CUL5: variants seen among roughly 807,000 people sequenced by gnomAD.
CUL5 encodes cullin 5.
In CUL5, 26 loss-of-function variants were observed where a neutral mutation model predicts 108.8. The ratio of observed to expected loss-of-function variants is 0.24; its 90% confidence interval spans 0.18 to 0.33. The LOEUF is 0.33. Ranked by LOEUF, CUL5 falls within the 10% of genes least tolerant of loss-of-function variation. The pLI, the probability that CUL5 is intolerant of heterozygous loss-of-function variation, is 1.00. For synonymous variants in CUL5, 334 were observed against 298.0 expected (o/e 1.12, Z -1.25); for missense variants, 524 against 909.2 (o/e 0.58, Z 5.45).
intron 7 of CUL5, among the ~76,000 whole-genome samples, chr11:108,058,614 G>C (rs1863459365): frequency 6.6e-6 from 1 of 151,670 alleles, no homozygotes; most frequent in African/African-American, 2.4e-5. Flanking sequence ...TGGTGGTAAT[G>C]CTTCTCCTGC....
intron 6 of CUL5, 33 bp from the exon 7 acceptor site, chr11:108,054,842 T>C: frequency 6.2e-7 from 1 of 1,602,450 alleles, no homozygotes; most frequent in Non-Finnish European, 8.5e-7. Flanking sequence ...CCCTTGATAT[T>C]CTTAAAATGA....
At chr11:108,054,503 A>C in intron 5 of CUL5, 144 bp from the exon 6 acceptor site, 1 of 546,312 alleles carries the variant, frequency 1.8e-6, no homozygotes, top group Non-Finnish European at 3.2e-6. Flanking sequence ...TCTTATGGAG[A>C]AGGATTTTGT....
chr11:108,052,890 G>T, intron 5 of CUL5, 89 bp downstream of exon 5: 1 of 1,122,516 alleles, frequency 8.9e-7, no homozygotes, highest in East Asian at 2.6e-5. Context: ...TAAGTTTATT[G>T]GCATACAAAG....
chr11:108,064,556 C>G (rs1163005946), intron 7 of CUL5, among the ~76,000 whole-genome samples: 1 of 151,914 alleles, frequency 6.6e-6, no homozygotes, highest in Non-Finnish European at 1.5e-5. Context: ...AAAAAAAATA[C>G]AAAAATTAGC....
intron 2 of CUL5, among the ~76,000 whole-genome samples, chr11:108,037,253 G>T (rs528648170): frequency 4.6e-5 from 7 of 152,108 alleles, no homozygotes; most frequent in Non-Finnish European, 1.0e-4. Context: ...AAATTTCATA[G>T]GTAATTTTTA....
In CUL5 at chr11:108,105,748, T is replaced by TGC. The variant is rs764652765; in HGVS notation, c.*1365_*1366dup. 11 of 152,126 alleles carry TGC rather than the reference T, an allele frequency of 7.2e-5. No homozygotes were observed. Among genetic ancestry groups the TGC allele is most frequent in the Non-Finnish European group, 1.6e-4 (11 of 68,004 alleles). The allele number at this position is 152,126 out of a possible 1,614,324, so 9.4% of individuals were successfully genotyped here. A position where few individuals can be genotyped will look rare whatever the true frequency, so the allele number is the denominator to read the frequency against. Reference sequence around the variant, plus strand: ...CAACGTGGATTTTTATTCATTGTGGTGCACGTTTCAAATTTTCTTGCAAAT... The same window carrying TGC: ...CAACGTGGATTTTTATTCATTGTGGTGCGCACGTTTCAAATTTTCTTGCAAAT... On this transcript the variant is annotated 3_prime_UTR_variant, in exon 19 of 19. Coordinates refer to ENST00000393094, the MANE Select transcript of CUL5 (RefSeq NM_003478.6).
At chr11:108,054,841 T>C in intron 6 of CUL5, 34 bp from the exon 7 acceptor site, 1 of 1,601,982 alleles carries the variant, frequency 6.2e-7, no homozygotes, top group South Asian at 1.1e-5. Flanking sequence ...TCCCTTGATA[T>C]TCTTAAAATG....
chr11:108,013,202 A>G (rs1862096178), intron 1 of CUL5, among the ~76,000 whole-genome samples: 1 of 151,732 alleles, frequency 6.6e-6, no homozygotes, highest in Admixed American at 6.6e-5. Context: ...CTCTCTCTCA[A>G]ATCACGTTTG....
intron 11 of CUL5, among the ~76,000 whole-genome samples, chr11:108,079,060 T>A (rs748900558): frequency 3.4e-5 from 5 of 148,202 alleles, no homozygotes; most frequent in African/African-American, 2.6e-5. Context: ...TAGATAGATC[T>A]TCTTCTCTTT....
At chr11:108,076,105 C>T (rs923215456) in intron 10 of CUL5, among the ~76,000 whole-genome samples, 1 of 152,150 alleles carries the variant, frequency 6.6e-6, no homozygotes, top group African/African-American at 2.4e-5. Context: ...CAACATGGCT[C>T]ACTGGAGCTT....
rs186620400 is a variant in CUL5 at position 108,091,277 on chromosome 11, C to T, written c.1443+1654C>T. ...TGTTGGCCAGGCTGGTCTTGAAATC[C>T]TGGTCTTAAGTGATCCGCCTGCCTC... On this transcript the variant is annotated intron_variant, in intron 13 of 18. Coordinates refer to ENST00000393094, the MANE Select transcript of CUL5 (RefSeq NM_003478.6). Among the ~76,000 whole-genome samples, 188 of 152,056 alleles carry T rather than the reference C, an allele frequency of 1.2e-3. 1 individual carries two copies. Among genetic ancestry groups the T allele is most frequent in the Admixed American group, 2.7e-3 (41 of 15,280 alleles).
intron 11 of CUL5, among the ~76,000 whole-genome samples, chr11:108,078,492 CATT>C (rs1365314161): frequency 6.6e-6 from 1 of 151,934 alleles, no homozygotes. Flanking sequence ...GTTTTTCCCT[CATT>C]AGTCACTAAA....
At chr11:108,047,884 A>C (rs1377653911) in intron 3 of CUL5, among the ~76,000 whole-genome samples, 1 of 152,240 alleles carries the variant, frequency 6.6e-6, no homozygotes, top group African/African-American at 2.4e-5. Flanking sequence ...AAACTTATGA[A>C]GAATTACCTT....
At chr11:108,017,535 C>T (rs568290052) in intron 1 of CUL5, among the ~76,000 whole-genome samples, 8 of 151,886 alleles carry the variant, frequency 5.3e-5, no homozygotes, top group African/African-American at 9.7e-5. Flanking sequence ...GTAATTAGGG[C>T]GGTAGCGAAA....
At chr11:108,028,193 T>C (rs1862496514) in intron 1 of CUL5, among the ~76,000 whole-genome samples, 1 of 152,244 alleles carries the variant, frequency 6.6e-6, no homozygotes, top group Admixed American at 6.5e-5. Flanking sequence ...GTATAATAGA[T>C]ATGTTAAATG....
chr11:108,030,904 CTG>C (rs1343506631), intron 1 of CUL5, among the ~76,000 whole-genome samples: 1 of 152,146 alleles, frequency 6.6e-6, no homozygotes, highest in African/African-American at 2.4e-5. Context: ...TTTTAGGAAT[CTG>C]TATGTGTAAT....
intron 1 of CUL5, among the ~76,000 whole-genome samples, chr11:108,024,044 C>T (rs749782694): frequency 1.3e-5 from 2 of 152,186 alleles, no homozygotes; most frequent in Non-Finnish European, 2.9e-5. Flanking sequence ...GCAGTTTACT[C>T]TCTAAGCCTG....
intron 7 of CUL5, among the ~76,000 whole-genome samples, chr11:108,056,818 A>G (rs1222804311): frequency 2.0e-5 from 3 of 152,140 alleles, no homozygotes; most frequent in African/African-American, 7.2e-5. Context: ...GAAGAGAGAA[A>G]CTTCTTAGAG....
chr11:108,085,648 G>A (rs987842401), intron 11 of CUL5, among the ~76,000 whole-genome samples: 1 of 152,156 alleles, frequency 6.6e-6, no homozygotes, highest in East Asian at 1.9e-4. Context: ...TGTGACACAT[G>A]GATGAATCTT....
Sources: gnomAD v4.1 joint callset for allele counts (sites outside exome capture counted in the v4.1 genomes callset) on GRCh38, gnomAD v4.1.1 for gene constraint, MANE v1.5 for transcripts, NCBI Gene and HGNC (gene_info 2026-07-23, HGNC 2026-07-21) for gene names.